NXPH1: variants seen among roughly 807,000 people sequenced by gnomAD.
NXPH1 encodes the protein neurexophilin 1, also known as neurexophilin-1.
NXPH1 carries 5 observed loss-of-function variants against 23.7 expected under a neutral mutation model. The observed-to-expected ratio is 0.21, with a 90% CI of 0.11 to 0.44. NXPH1 has a LOEUF of 0.44. Ranked by LOEUF, NXPH1 falls within the 20% of genes least tolerant of loss-of-function variation. The pLI is 0.99. For synonymous variants in NXPH1, 144 were observed against 122.2 expected, an observed-to-expected ratio of 1.18 and a Z score of -1.18; for missense variants, 324 against 321.6, an observed-to-expected ratio of 1.01 and a Z score of -0.06.
In NXPH1 at chr7:8,442,469, C is replaced by T. The variant is rs1255781362; in HGVS notation, c.54+6702C>T. ...CGGCTAAGGGCGCAGGGGGAGGCCG[C>T]GCGTCCTCGCCACACCGGAAGGAGA... is the stretch of plus-strand genomic sequence containing the variant. On this transcript the variant is annotated intron_variant, in intron 2 of 2. Coordinates refer to ENST00000405863, the MANE Select transcript of NXPH1 (RefSeq NM_152745.3). This position sits in a 1 kb window ranked among gnomAD's most constrained non-coding sequence, Gnocchi z 4.6. 2.0e-5 allele frequency among the ~76,000 whole-genome samples: 3 copies of T among 152,194 alleles called. No individual in the cohort carries two copies. Among genetic ancestry groups the T allele is most frequent in the Non-Finnish European group, 4.4e-5 (3 of 68,034 alleles).
At chr7:8,664,833 A>G (rs189840705) in intron 2 of NXPH1, among the ~76,000 whole-genome samples, 7 of 152,082 alleles carry the variant, frequency 4.6e-5, no homozygotes, top group African/African-American at 1.7e-4. Flanking sequence ...GTCTTCTTTT[A>G]AGAAATGTCT....
chr7:8,533,857 A>T (rs1013179130), intron 2 of NXPH1, among the ~76,000 whole-genome samples: 31 of 152,110 alleles, frequency 2.0e-4, no homozygotes, highest in Admixed American at 1.9e-3. Flanking sequence ...AGGAAGAAGG[A>T]GCTGGTGAGA....
intron 2 of NXPH1, among the ~76,000 whole-genome samples, chr7:8,739,399 G>A (rs1387987252): frequency 6.6e-6 from 1 of 152,040 alleles, no homozygotes; most frequent in Non-Finnish European, 1.5e-5. Context: ...GGCTAGAGGA[G>A]GGAGTTCCCT....
At chr7:8,555,580 T>A (rs1818344370) in intron 2 of NXPH1, among the ~76,000 whole-genome samples, 1 of 151,634 alleles carries the variant, frequency 6.6e-6, no homozygotes, top group Admixed American at 6.6e-5. Context: ...AGAAAAACTT[T>A]CCCAAGGCCA....
At position 8,435,848 on chromosome 7, in the gene NXPH1, T is replaced by C; in HGVS notation, c.54+81T>C. The C allele has an allele frequency of 7.6e-7, 1 of 1,321,318 alleles. No individual in the cohort carries two copies. The highest frequency in any genetic ancestry group is 1.1e-6 in the Non-Finnish European group (1 of 914,458). The allele number at this position is 1,321,318 out of a possible 1,614,324, so 81.8% of individuals were successfully genotyped here. A position where few individuals can be genotyped will look rare whatever the true frequency, so the allele number is the denominator to read the frequency against. On this transcript the variant is annotated intron_variant, in intron 2 of 2. Coordinates refer to ENST00000405863, the MANE Select transcript of NXPH1 (RefSeq NM_152745.3). The surrounding 1 kb of genome is among the most constrained non-coding windows in gnomAD (Gnocchi z 5.9). ...AAACTGGGGACACGCGGGAGAAGGGTTACGCCGCCAGTTCAGTGAGAGCAG... is the reference window on the plus strand; with the variant it reads ...AAACTGGGGACACGCGGGAGAAGGGCTACGCCGCCAGTTCAGTGAGAGCAG...
At chr7:8,698,448 T>G (rs1779569747) in intron 2 of NXPH1, among the ~76,000 whole-genome samples, 1 of 152,192 alleles carries the variant, frequency 6.6e-6, no homozygotes, top group Non-Finnish European at 1.5e-5. Context: ...GTATTTAAAT[T>G]GGTGTGGCCA....
At chr7:8,708,472 T>G (rs1015382533) in intron 2 of NXPH1, among the ~76,000 whole-genome samples, 1 of 152,136 alleles carries the variant, frequency 6.6e-6, no homozygotes, top group African/African-American at 2.4e-5. Context: ...GTGATTCTCT[T>G]GCCTTAGCCT....
At chr7:8,593,674 T>C (rs1819154169) in intron 2 of NXPH1, among the ~76,000 whole-genome samples, 1 of 152,078 alleles carries the variant, frequency 6.6e-6, no homozygotes, top group Admixed American at 6.6e-5. Context: ...CAGTTTGTCT[T>C]GATGTCTTGC....
intron 2 of NXPH1, among the ~76,000 whole-genome samples, chr7:8,701,981 T>C (rs942086509): frequency 3.9e-5 from 6 of 151,958 alleles, no homozygotes; most frequent in African/African-American, 1.5e-4. Flanking sequence ...GAATAAAATG[T>C]ACCAATTTAT....
At chr7:8,748,882 A>G (rs1780517438) in intron 2 of NXPH1, among the ~76,000 whole-genome samples, 1 of 152,182 alleles carries the variant, frequency 6.6e-6, no homozygotes, top group African/African-American at 2.4e-5. Context: ...TTCAGCTGGT[A>G]TTCTTTCTGT....
At chr7:8,614,577 C>A (rs1418714852) in intron 2 of NXPH1, among the ~76,000 whole-genome samples, 4 of 151,754 alleles carry the variant, frequency 2.6e-5, no homozygotes, top group African/African-American at 9.7e-5. Context: ...TACACATACA[C>A]ATTTAGAGAT....
At chr7:8,715,629 A>G (rs368737550) in intron 2 of NXPH1, among the ~76,000 whole-genome samples, 2 of 152,238 alleles carry the variant, frequency 1.3e-5, no homozygotes, top group Admixed American at 6.5e-5. Context: ...AATTAAAAAT[A>G]AAATGATTTG....
intron 2 of NXPH1, among the ~76,000 whole-genome samples, chr7:8,539,068 A>G (rs1818071374): frequency 6.6e-6 from 1 of 151,902 alleles, no homozygotes; most frequent in Non-Finnish European, 1.5e-5. Context: ...TCAACAGCGA[A>G]CAATATTACA....
intron 2 of NXPH1, among the ~76,000 whole-genome samples, chr7:8,548,429 G>T (rs575978025): frequency 6.6e-5 from 10 of 151,592 alleles, no homozygotes; most frequent in Admixed American, 6.6e-4. Context: ...CCACTATTAG[G>T]TTATTTCTTC....
chr7:8,573,725 A>G (rs762177141), intron 2 of NXPH1, among the ~76,000 whole-genome samples: 6 of 152,120 alleles, frequency 3.9e-5, no homozygotes, highest in Non-Finnish European at 8.8e-5. Context: ...CTTCCAGTTA[A>G]TTATAGGTTA....
intron 2 of NXPH1, among the ~76,000 whole-genome samples, chr7:8,642,014 C>G (rs1163377845): frequency 6.6e-6 from 1 of 152,190 alleles, no homozygotes; most frequent in African/African-American, 2.4e-5. Flanking sequence ...CCATTCTGCT[C>G]TCGATGTTAC....
intron 2 of NXPH1, among the ~76,000 whole-genome samples, chr7:8,583,130 A>G: frequency 6.6e-6 from 1 of 152,244 alleles, no homozygotes; most frequent in East Asian, 1.9e-4. Flanking sequence ...GCTCAAGTAT[A>G]GGCTGGATGC....
intron 2 of NXPH1, among the ~76,000 whole-genome samples, chr7:8,618,828 G>C (rs1248524593): frequency 6.6e-6 from 1 of 152,062 alleles, no homozygotes; most frequent in Non-Finnish European, 1.5e-5. Flanking sequence ...TTATTTGTTT[G>C]AATGTATGCT....
rs140678675 is a variant in NXPH1, at chr7:8,654,164, C to T, written c.55-96844C>T. On this transcript the variant is annotated intron_variant, in intron 2 of 2. Transcript: ENST00000405863. ...ATAGTCTCAATTTCTTCTTCTATTT[C>T]TCTTAAGAAAATTCAGAATTAGTGT... Among the ~76,000 whole-genome samples the T allele has an allele frequency of 7.8e-3, 1,182 of 152,150 alleles. 13 individuals carry two copies. Among genetic ancestry groups the T allele is most frequent in the Middle Eastern group, 0.044 (13 of 294 alleles).
Sources: allele counts gnomAD v4.1 joint callset (sites outside exome capture counted in the v4.1 genomes callset), GRCh38; gene constraint gnomAD v4.1.1; non-coding constraint Gnocchi (gnomAD v3.1); transcripts MANE v1.5; gene names NCBI Gene and HGNC (gene_info 2026-07-23, HGNC 2026-07-21).